The following ITGBL1 variants were observed in gnomAD, a reference collection of about 807,000 sequenced individuals.
ITGBL1 encodes integrin subunit beta like 1.
In ITGBL1, 51 loss-of-function variants were observed where a neutral mutation model predicts 68.5. The ratio of observed to expected loss-of-function variants is 0.74; its 90% CI spans 0.59 to 0.94. The LOEUF (loss-of-function observed/expected upper bound fraction) is 0.94, where lower values mean the gene tolerates loss of function less well. Among genes scored for constraint, ITGBL1 ranks in the 40% least tolerant of loss-of-function variants. ITGBL1 has a pLI of 0.00. For synonymous variants in ITGBL1, 209 were observed against 227.3 expected (o/e 0.92, Z 0.72); for missense variants, 649 against 647.4 (o/e 1.00, Z -0.03).
At chr13:101,501,137 G>A (rs573233884) in intron 2 of ITGBL1, among the ~76,000 whole-genome samples, 118 of 152,296 alleles carry the variant, frequency 7.7e-4, no homozygotes, top group African/African-American at 2.7e-3. Flanking sequence ...CCTGCTATTT[G>A]GCTTAATTGA....
At chr13:101,501,415 G>T (rs1594849957) in intron 2 of ITGBL1, among the ~76,000 whole-genome samples, 2 of 152,156 alleles carry the variant, frequency 1.3e-5, no homozygotes, top group Non-Finnish European at 2.9e-5. Context: ...CCAGTGGAAT[G>T]GGAGTCCTGG....
chr13:101,568,875 G>A (rs1466709011), intron 3 of ITGBL1, among the ~76,000 whole-genome samples: 1 of 152,148 alleles, frequency 6.6e-6, no homozygotes, highest in Non-Finnish European at 1.5e-5. Context: ...CGAGGTGTGA[G>A]TGGATCCGTC....
chr13:101,683,068 A>C (rs2033679441), intron 7 of ITGBL1, among the ~76,000 whole-genome samples: 1 of 152,136 alleles, frequency 6.6e-6, no homozygotes, highest in Non-Finnish European at 1.5e-5. Context: ...CATTATGCCC[A>C]GAAAAGTATA....
At chr13:101,476,666 A>C (rs1456612367) in intron 2 of ITGBL1, among the ~76,000 whole-genome samples, 1 of 152,134 alleles carries the variant, frequency 6.6e-6, no homozygotes, top group Admixed American at 6.6e-5. Flanking sequence ...AACATATTCC[A>C]TACAAACAGA....
chr13:101,559,133 A>G (rs557919716), intron 2 of ITGBL1, among the ~76,000 whole-genome samples: 2 of 152,338 alleles, frequency 1.3e-5, no homozygotes, highest in African/African-American at 4.8e-5. Flanking sequence ...GCAATACTTT[A>G]ATGGATACTC....
intron 7 of ITGBL1, among the ~76,000 whole-genome samples, chr13:101,604,847 T>C (rs188554002): frequency 0.029 from 541 of 18,856 alleles, 7 homozygotes; most frequent in Middle Eastern, 0.071. Flanking sequence ...GTGAAGGCAA[T>C]ATATATATAT....
intron 7 of ITGBL1, among the ~76,000 whole-genome samples, chr13:101,647,445 T>C (rs2032596034): frequency 6.6e-6 from 1 of 152,090 alleles, no homozygotes; most frequent in South Asian, 2.1e-4. Context: ...AGCAGACCAA[T>C]GCTACTGACA....
intron 2 of ITGBL1, among the ~76,000 whole-genome samples, chr13:101,459,988 C>G (rs1015591297): frequency 1.3e-5 from 2 of 152,084 alleles, no homozygotes; most frequent in Non-Finnish European, 2.9e-5. Context: ...TGCCTGAGGA[C>G]TGTTCGACTT....
At chr13:101,720,602 TGTAA>T (rs1257574190), downstream of ITGBL1, 1 of 151,792 alleles carries the variant, frequency 6.6e-6, no homozygotes, top group African/African-American at 2.4e-5. Flanking sequence ...GTGTTGCTGC[TGTAA>T]GTAGTGTCCA....
intron 6 of ITGBL1, among the ~76,000 whole-genome samples, chr13:101,591,303 ATACTG>A (rs1209899612): frequency 1.3e-5 from 2 of 152,146 alleles, no homozygotes; most frequent in Non-Finnish European, 2.9e-5. Context: ...AAAAATTCCC[ATACTG>A]TAAAGTCTAA....
At position 101,605,348 on chromosome 13, in the gene ITGBL1, A is replaced by T. The variant is rs1435732186; in HGVS notation, c.1015+7049A>T. Among the ~76,000 whole-genome samples the T allele has an allele frequency of 5.3e-5, 8 of 150,628 alleles. 1 individual carries two copies. Among genetic ancestry groups the T allele is most frequent in the African/African-American group, 2.0e-4 (8 of 40,846 alleles). ...TGCGTATATATATATACACATATCT[A>T]GACATGTATGTGTGCATATGCGTAT... On this transcript the variant is annotated intron_variant, in intron 7 of 10. Transcript: ENST00000376180.
At chr13:101,545,009 C>T (rs377411344) in intron 2 of ITGBL1, among the ~76,000 whole-genome samples, 21 of 152,320 alleles carry the variant, frequency 1.4e-4, no homozygotes, top group Admixed American at 3.3e-4. Context: ...CCGGGTGAGG[C>T]GATTCCTCAC....
rs2048690706 is a variant in ITGBL1 at position 101,485,636 on chromosome 13, C to CA, written c.316+31542dup. Among the ~76,000 whole-genome samples the CA allele has an allele frequency of 2.6e-5, 4 of 152,104 alleles. No homozygotes were observed. The South Asian group carries it at 6.2e-4, about 24-fold the overall frequency. ...TGAAACCCCGTCTCTACTAAAAATACAAAAAATTACCTGGGCGTGGTGGCA... is the reference window on the plus strand; with the variant it reads ...TGAAACCCCGTCTCTACTAAAAATACAAAAAAATTACCTGGGCGTGGTGGCA... On this transcript the variant is annotated intron_variant, in intron 2 of 10. Coordinates refer to ENST00000376180, the MANE Select transcript of ITGBL1 (RefSeq NM_004791.3).
intron 3 of ITGBL1, among the ~76,000 whole-genome samples, chr13:101,573,514 A>G (rs2050306188): frequency 6.6e-6 from 1 of 152,112 alleles, no homozygotes; most frequent in Non-Finnish European, 1.5e-5. Context: ...AATATGATGA[A>G]TATACTCTAT....
intron 2 of ITGBL1, among the ~76,000 whole-genome samples, chr13:101,548,196 C>T (rs1326096046): frequency 6.6e-6 from 1 of 151,716 alleles, no homozygotes; most frequent in Non-Finnish European, 1.5e-5. Context: ...ACTATATCCC[C>T]AGATAAATAT....
intron 2 of ITGBL1, among the ~76,000 whole-genome samples, chr13:101,536,664 T>C (rs1279488432): frequency 6.6e-6 from 1 of 151,982 alleles, no homozygotes; most frequent in Non-Finnish European, 1.5e-5. Flanking sequence ...AGGTACAATA[T>C]GTATTCCTTT....
intron 8 of ITGBL1, among the ~76,000 whole-genome samples, chr13:101,698,235 C>T (rs901679402): frequency 2.6e-5 from 4 of 152,112 alleles, no homozygotes; most frequent in African/African-American, 9.7e-5. Context: ...ACTCCAAAAT[C>T]AGGGACTGTC....
chr13:101,459,450 C>T (rs374755953), intron 2 of ITGBL1, among the ~76,000 whole-genome samples: 8 of 152,218 alleles, frequency 5.3e-5, no homozygotes, highest in Middle Eastern at 3.4e-3. Flanking sequence ...TCAGACTATA[C>T]GCCATCCTTA....
chr13:101,551,933 G>A (rs765779015), intron 2 of ITGBL1, among the ~76,000 whole-genome samples: 6 of 152,190 alleles, frequency 3.9e-5, no homozygotes, highest in Non-Finnish European at 8.8e-5. Context: ...CATGGGTCAA[G>A]AGCAGGGAGG....
Sources: gnomAD v4.1 joint callset for allele counts (sites outside exome capture counted in the v4.1 genomes callset) on GRCh38, gnomAD v4.1.1 for gene constraint, MANE v1.5 for transcripts, NCBI Gene and HGNC (gene_info 2026-07-23, HGNC 2026-07-21) for gene names.